The following ZNF440 variants were observed in gnomAD, a reference collection of about 807,000 sequenced individuals.
The protein encoded by ZNF440 is zinc finger protein 440.
ZNF440 carries 47 observed loss-of-function variants against 49.7 expected under a neutral mutation model. That is an observed-to-expected ratio of 0.95 (90% CI 0.75 to 1.21). The LOEUF (loss-of-function observed/expected upper bound fraction) is 1.21. ZNF440 is among the 50% of genes most tolerant of loss of function. ZNF440 has a pLI of 0.00. For synonymous variants in ZNF440, 255 were observed against 237.7 expected, an observed-to-expected ratio of 1.07 and a Z score of -0.67; for missense variants, 703 against 715.0, an observed-to-expected ratio of 0.98 and a Z score of 0.19.
chr19:11,831,927 A>G lies in ZNF440; in HGVS notation c.751A>G (p.Thr251Ala). ...CCATCGAATACATAAAAGAACTCAC[A>G]CTGGAGAAAAGCCTTATGAATATCA... is the stretch of plus-strand genomic sequence containing the variant. Reference protein sequence around the residue: ...ATHRIHKRTHTGEKPYEYQEC... With the variant: ...ATHRIHKRTHAGEKPYEYQEC... The change falls in exon 4 of 4, where the codon ACT becomes GCT. Residue 251 changes from threonine to alanine, a missense_variant. Coordinates refer to ENST00000304060, the MANE Select transcript of ZNF440 (RefSeq NM_152357.3). 6.2e-7 allele frequency: 1 copy of G among 1,614,030 alleles called. No individual in the cohort carries two copies. Among genetic ancestry groups the G allele is most frequent in the South Asian group, 1.1e-5 (1 of 91,048 alleles).
intron 1 of ZNF440, among the ~76,000 whole-genome samples, chr19:11,822,699 T>C (rs976733455): frequency 6.6e-5 from 10 of 152,076 alleles, no homozygotes; most frequent in African/African-American, 1.9e-4. Context: ...AATACAAAAT[T>C]AGCCAAGCGT....
intron 1 of ZNF440, among the ~76,000 whole-genome samples, chr19:11,818,753 T>G (rs1467558599): frequency 6.6e-6 from 1 of 152,138 alleles, no homozygotes; most frequent in Non-Finnish European, 1.5e-5. Flanking sequence ...TTGCTCAGGC[T>G]GGTCTCTAGC....
intron 1 of ZNF440, among the ~76,000 whole-genome samples, chr19:11,823,415 C>T (rs1180314410): frequency 6.6e-6 from 1 of 152,020 alleles, no homozygotes; most frequent in African/African-American, 2.4e-5. Flanking sequence ...TGTTATATTT[C>T]AGTTTTTAGA....
chr19:11,825,558 T>C (rs1363324040), intron 1 of ZNF440, among the ~76,000 whole-genome samples: 1 of 152,244 alleles, frequency 6.6e-6, no homozygotes, highest in Non-Finnish European at 1.5e-5. Flanking sequence ...GGAATGATAC[T>C]GTAAGTGGCC....
intron 1 of ZNF440, among the ~76,000 whole-genome samples, chr19:11,828,950 C>G (rs1975900069): frequency 6.6e-6 from 1 of 151,874 alleles, no homozygotes; most frequent in African/African-American, 2.4e-5. Context: ...TTCCAAAGTG[C>G]TGGGATTACA....
Position 11,832,133 on chromosome 19 carries a change from A to G in ZNF440, c.957A>G (p.Lys319=), listed in dbSNP as rs750026870. ...KNLYECKQCG[K]ALSSLTSFQT... is the part of the protein sequence containing the mutation. ...TCTATGAATGTAAGCAGTGTGGGAA[A>G]GCATTATCCTCTCTTACAAGTTTTC... Residue 319 remains lysine (K), a synonymous_variant, in exon 4 of 4, where the codon AAA becomes AAG. Coordinates refer to ENST00000304060, the MANE Select transcript of ZNF440 (RefSeq NM_152357.3). The G allele has an allele frequency of 3.7e-6, 6 of 1,614,254 alleles. No individual in the cohort carries two copies. The highest frequency in any genetic ancestry group is 3.4e-6 in the Non-Finnish European group (4 of 1,180,040).
At chr19:11,823,501 A>G (rs535991612) in intron 1 of ZNF440, among the ~76,000 whole-genome samples, 25 of 152,298 alleles carry the variant, frequency 1.6e-4, no homozygotes, top group African/African-American at 6.0e-4. Flanking sequence ...AACTGTAGTC[A>G]TATTTCAGAA....
intron 1 of ZNF440, among the ~76,000 whole-genome samples, chr19:11,817,979 G>A (rs1346684398): frequency 6.6e-6 from 1 of 152,168 alleles, no homozygotes; most frequent in Non-Finnish European, 1.5e-5. Flanking sequence ...GGAGGCCGAG[G>A]TGGGCGGATC....
At chr19:11,825,813 T>A (rs1975857402) in intron 1 of ZNF440, among the ~76,000 whole-genome samples, 1 of 132,592 alleles carries the variant, frequency 7.5e-6, no homozygotes, top group Non-Finnish European at 1.6e-5. Flanking sequence ...TTTTCTTTTC[T>A]TTTCTTTTTT....
In ZNF440 at chr19:11,831,914, T is replaced by C. The variant is rs1236738913; in HGVS notation, c.738T>C (p.His246=). ...GTTATTCTGCTACCCATCGAATACA[T>C]AAAAGAACTCACACTGGAGAAAAGC... ...SFSYSATHRI[H]KRTHTGEKPY... Residue 246 remains histidine, a synonymous_variant, in exon 4 of 4, where the codon CAT becomes CAC. Transcript: ENST00000304060. 4 of 1,613,868 alleles carry C rather than the reference T, an allele frequency of 2.5e-6. No individual in the cohort carries two copies. Among genetic ancestry groups the C allele is most frequent in the Admixed American group, 1.7e-5 (1 of 59,990 alleles).
In ZNF440 at chr19:11,832,371, A is replaced by C. The variant is rs1488751563; in HGVS notation, c.1195A>C (p.Lys399Gln). Residue 399 changes from lysine (K) to glutamine (Q), a missense_variant, in exon 4 of 4, where the codon AAG becomes CAG. By Grantham distance (53) the Lys-to-Gln change is moderately conservative. Coordinates refer to ENST00000304060, the MANE Select transcript of ZNF440 (RefSeq NM_152357.3). ...THTGEKPYECKQCGKAFRSAS... is the reference protein window; with the variant it reads ...THTGEKPYECQQCGKAFRSAS... ...CACTGGAGAGAAACCCTATGAGTGT[A>C]AGCAATGTGGGAAAGCCTTCAGATC... 6.2e-7 allele frequency: 1 copy of C among 1,613,402 alleles called. No individual in the cohort carries two copies. Among genetic ancestry groups the C allele is most frequent in the African/African-American group, 1.3e-5 (1 of 74,710 alleles).
chr19:11,818,067 T>C (rs1191505795), intron 1 of ZNF440, among the ~76,000 whole-genome samples: 1 of 152,000 alleles, frequency 6.6e-6, no homozygotes, highest in East Asian at 1.9e-4. Flanking sequence ...TAACTGGGCA[T>C]GGTGGCATGT....
chr19:11,820,619 C>T (rs992742827), intron 1 of ZNF440, among the ~76,000 whole-genome samples: 1 of 152,016 alleles, frequency 6.6e-6, no homozygotes, highest in Non-Finnish European at 1.5e-5. Flanking sequence ...GGTCTAGTGG[C>T]TATCAGTGCC....
At chr19:11,831,322 G>A (rs1170834505) in intron 3 of ZNF440, 46 bp from the exon 4 acceptor site, 2 of 1,570,624 alleles carry the variant, frequency 1.3e-6, no homozygotes, top group Non-Finnish European at 8.6e-7. Flanking sequence ...TAATATAGAA[G>A]TACTTATAAA....
In ZNF440 at chr19:11,820,211, T is replaced by C. The variant is rs555469261; in HGVS notation, c.3+5761T>C. 6.6e-5 allele frequency among the ~76,000 whole-genome samples: 10 copies of C among 152,234 alleles called. No individual in the cohort carries two copies. In the South Asian group the frequency reaches 1.5e-3, roughly 22 times the overall value. On this transcript the variant is annotated intron_variant, in intron 1 of 3. Coordinates refer to ENST00000304060, the MANE Select transcript of ZNF440 (RefSeq NM_152357.3). ...GTGATGTGTCTTCCATACACCCTCG[T>C]ATCCTTTTTGTTTGTTTGTTTTTGA...
intron 1 of ZNF440, among the ~76,000 whole-genome samples, chr19:11,824,945 G>A (rs937378534): frequency 6.6e-6 from 1 of 151,822 alleles, no homozygotes; most frequent in Admixed American, 6.6e-5. Context: ...CTGACCTTGT[G>A]ATTCGCCCAC....
At position 11,831,816 on chromosome 19, in the gene ZNF440, T is replaced by G. The variant is rs1975945342; in HGVS notation, c.640T>G (p.Leu214Val). 6.2e-7 allele frequency: 1 copy of G among 1,609,396 alleles called. No individual in the cohort carries two copies. Among genetic ancestry groups the G allele is most frequent in the African/African-American group, 1.3e-5 (1 of 74,882 alleles). The change falls in exon 4 of 4, where the codon TTA becomes GTA. Residue 214 changes from leucine (L) to valine (V), a missense_variant. Transcript: ENST00000304060. ...TGGGAAAGCATTCCATTGTCTCAGA[T>G]TATATCTTATCCATGAAAGAATTCA... ...FCGKAFHCLR[L>V]YLIHERIHTG...
chr19:11,815,284 T>TCTCACACACA (rs1555690473), intron 1 of ZNF440, among the ~76,000 whole-genome samples: 1 of 121,062 alleles, frequency 8.3e-6, no homozygotes, highest in African/African-American at 3.2e-5. Context: ...GGCAACTCCG[T>TCTCACACACA]CACACACACA....
In ZNF440 at chr19:11,833,800, G is replaced by C; in HGVS notation, c.*836G>C. 1 of 815,756 alleles carries C rather than the reference G, an allele frequency of 1.2e-6. No homozygotes were observed. The highest frequency in any genetic ancestry group is 2.0e-5 in the South Asian group (1 of 48,804). The allele number at this position is 815,756 out of a possible 1,614,324, so 50.5% of individuals were successfully genotyped here. Reference sequence around the variant, plus strand: ...GCCTCGCACCTTCAAATGCATGGAAGGACTCACACTGGAGAAAAACCCTAT... The same window carrying C: ...GCCTCGCACCTTCAAATGCATGGAACGACTCACACTGGAGAAAAACCCTAT... On this transcript the variant is annotated 3_prime_UTR_variant, in exon 4 of 4. Transcript: ENST00000304060.
Sources: gnomAD v4.1 joint callset for allele counts (sites outside exome capture counted in the v4.1 genomes callset) on GRCh38, gnomAD v4.1.1 for gene constraint, MANE v1.5 for transcripts, NCBI Gene and HGNC (gene_info 2026-07-23, HGNC 2026-07-21) for gene names.